Variants in MAST2 observed in about 807,000 individuals in gnomAD.
MAST2 encodes microtubule associated serine/threonine kinase 2.
A neutral mutation model predicts 147.4 loss-of-function variants in MAST2; 70 were observed. The observed-to-expected ratio is 0.47, with a 90% confidence interval of 0.39 to 0.58. MAST2 has a LOEUF of 0.58. MAST2 is among the 20% of genes least tolerant of loss of function. The probability of loss-of-function intolerance (pLI) is 0.00; values close to 1 mark genes in which losing one functional copy is unlikely to be tolerated. For synonymous variants in MAST2, 869 were observed against 896.8 expected (o/e 0.97, Z 0.55); for missense variants, 2,080 against 2,302.3 (o/e 0.90, Z 1.98).
intron 4 of MAST2, among the ~76,000 whole-genome samples, chr1:45,957,894 G>A (rs375161031): frequency 6.6e-6 from 1 of 152,180 alleles, no homozygotes; most frequent in African/African-American, 2.4e-5. Context: ...AAGCTTGGTT[G>A]TAAAGGGTTG....
chr1:45,931,092 T>A (rs568350309), intron 4 of MAST2, among the ~76,000 whole-genome samples: 2 of 152,328 alleles, frequency 1.3e-5, no homozygotes, highest in South Asian at 4.1e-4. Flanking sequence ...TCTACAAGTT[T>A]AATTCATATT....
chr1:45,917,646 TCA>T (rs1652778755), intron 4 of MAST2: 1 of 743,016 alleles, frequency 1.3e-6, no homozygotes, highest in African/African-American at 1.8e-5. Context: ...CTTGGTTCTG[TCA>T]CAGAGAAGAG....
chr1:46,030,190 C>T lies in MAST2; in HGVS notation c.2505C>T (p.Gly835=). The T allele has an allele frequency of 1.2e-6, 2 of 1,614,216 alleles. No homozygotes were observed. The highest frequency in any genetic ancestry group is 2.2e-5 in the South Asian group (2 of 91,078). ...SEDEEEVSED[G]CLEIRQFSSC... The stretch of plus-strand genomic sequence containing the variant: ...ATGAGGAAGAAGTGAGTGAGGATGG[C>T]TGCCTTGAGATCCGCCAGTTCTCTT... Residue 835 remains glycine (G), a synonymous_variant, in exon 21 of 29, where the codon GGC becomes GGT. Coordinates refer to ENST00000361297, the MANE Select transcript of MAST2 (RefSeq NM_015112.3).
chr1:45,918,821 G>A (rs1305532425), intron 4 of MAST2, among the ~76,000 whole-genome samples: 1 of 152,124 alleles, frequency 6.6e-6, no homozygotes, highest in Non-Finnish European at 1.5e-5. Flanking sequence ...TAGATCAAAA[G>A]ATCACGCTGG....
intron 4 of MAST2, among the ~76,000 whole-genome samples, chr1:45,920,192 G>A (rs1163424089): frequency 6.6e-6 from 1 of 152,200 alleles, no homozygotes; most frequent in Non-Finnish European, 1.5e-5. Flanking sequence ...ACCTGCTCAT[G>A]TTCTTGGATA....
At chr1:45,876,745 G>A (rs770660807) in intron 3 of MAST2, among the ~76,000 whole-genome samples, 5 of 152,166 alleles carry the variant, frequency 3.3e-5, no homozygotes, top group African/African-American at 9.7e-5. Context: ...GTCACAGAAT[G>A]TACTGATCTG....
At chr1:45,823,564 G>T (rs1358252594) in intron 1 of MAST2, among the ~76,000 whole-genome samples, 1 of 151,988 alleles carries the variant, frequency 6.6e-6, no homozygotes, top group Non-Finnish European at 1.5e-5. Context: ...TTGAACTCCC[G>T]ACCTCATGAT....
rs552987688 is a variant in MAST2 at position 46,031,484 on chromosome 1, G to A, written c.3086G>A (p.Arg1029Gln). Residue 1029 changes from arginine to glutamine, a missense_variant, in exon 24 of 29, where the codon CGG (arginine) becomes CAG (glutamine). Around this residue, in one of 4 missense-constraint regions of MAST2, gnomAD observed 1,278 missense variants for 1,304.2 expected, o/e 0.98. Transcript: ENST00000361297. The surrounding 1 kb of genome is among the most constrained non-coding windows in gnomAD (Gnocchi z 4.1). ...SDLAVRRARH[R>Q]LLSGDSTEKR... ...CTGGCTGTGCGTAGGGCCCGCCACC[G>A]GCTGCTCTCTGGGGACTCAACAGAG... 5.9e-5 allele frequency: 96 copies of A among 1,614,148 alleles called. 1 individual carries two copies. In the East Asian group the frequency reaches 1.6e-3, roughly 27 times the overall value.
At chr1:45,909,698 A>G (rs1651361426) in intron 4 of MAST2, among the ~76,000 whole-genome samples, 1 of 152,036 alleles carries the variant, frequency 6.6e-6, no homozygotes, top group Non-Finnish European at 1.5e-5. Context: ...TTGTATTTTT[A>G]GTAGAGACGG....
intron 1 of MAST2, among the ~76,000 whole-genome samples, chr1:45,808,126 A>G (rs139614156): frequency 1.4e-4 from 21 of 152,318 alleles, no homozygotes; most frequent in African/African-American, 4.8e-4. Context: ...CCAGAAGGTC[A>G]GTGGTTTACT....
In MAST2 at chr1:45,829,534, A is replaced by G; in HGVS notation, c.421A>G (p.Arg141Gly). The change falls in exon 3 of 29, where the codon AGA becomes GGA. Residue 141 changes from arginine to glycine, a missense_variant. By Grantham distance (125) the Arg-to-Gly change is moderately radical. Transcript: ENST00000361297. The stretch of plus-strand genomic sequence containing the variant: ...AGAAGCATCAAACCTGGTTCGAATG[A>G]GAAACCAGTCCCTTGGACAGTCTGC... ...SGEASNLVRMRNQSLGQSAPS... is the reference protein window; with the variant it reads ...SGEASNLVRMGNQSLGQSAPS... 1.2e-6 allele frequency: 2 copies of G among 1,614,250 alleles called. No homozygotes were observed. The highest frequency in any genetic ancestry group is 1.7e-6 in the Non-Finnish European group (2 of 1,180,042).
intron 10 of MAST2, among the ~76,000 whole-genome samples, chr1:46,013,962 AG>A (rs1645822853): frequency 6.6e-6 from 1 of 152,174 alleles, no homozygotes; most frequent in Admixed American, 6.5e-5. Flanking sequence ...AAAGAAGAAA[AG>A]TCCTCATTTA....
At chr1:45,854,336 CAAA>C (rs61252218) in intron 3 of MAST2, among the ~76,000 whole-genome samples, 47 of 128,708 alleles carry the variant, frequency 3.7e-4, no homozygotes, top group African/African-American at 9.1e-4. Context: ...CCCTCTGTCT[CAAA>C]AAAAAAAAAA....
At chr1:45,877,333 T>A (rs1362303957) in intron 3 of MAST2, among the ~76,000 whole-genome samples, 2 of 152,086 alleles carry the variant, frequency 1.3e-5, no homozygotes, top group East Asian at 3.9e-4. Flanking sequence ...CTTAAGGGAT[T>A]CTCCTGCCTC....
chr1:45,914,928 A>G (rs1652237464), intron 4 of MAST2, among the ~76,000 whole-genome samples: 1 of 152,172 alleles, frequency 6.6e-6, no homozygotes, highest in African/African-American at 2.4e-5. Flanking sequence ...GAAAACTTAA[A>G]TGGTCAAAAA....
chr1:45,932,628 G>A (rs886920666), intron 4 of MAST2, among the ~76,000 whole-genome samples: 6 of 152,122 alleles, frequency 3.9e-5, no homozygotes, highest in Non-Finnish European at 8.8e-5. Flanking sequence ...AGCCAAGATC[G>A]CACCACTGCA....
rs201638963 is a variant in MAST2, at chr1:46,030,160, G to A, written c.2475G>A (p.Ser825=). ...TRSERYHHMD[S]EDEEEVSEDG... is the part of the protein sequence containing the mutation. ...CAGAGCGATACCACCACATGGACTC[G>A]GAGGATGAGGAAGAAGTGAGTGAGG... is the stretch of plus-strand genomic sequence containing the variant. Residue 825 remains serine (S), a synonymous_variant, in exon 21 of 29, where the codon TCG becomes TCA. Coordinates refer to ENST00000361297, the MANE Select transcript of MAST2 (RefSeq NM_015112.3). The A allele has an allele frequency of 2.3e-4, 370 of 1,614,254 alleles. No homozygotes were observed. The highest frequency in any genetic ancestry group is 1.2e-3 in the Admixed American group (70 of 60,030).
intron 3 of MAST2, among the ~76,000 whole-genome samples, chr1:45,844,465 G>A (rs1645370292): frequency 6.6e-6 from 1 of 152,028 alleles, no homozygotes; most frequent in African/African-American, 2.4e-5. Flanking sequence ...TGTATTTTTA[G>A]TAGAGATGGT....
In MAST2 at chr1:45,993,495, C is replaced by A. The variant is rs147782733; in HGVS notation, c.593-4229C>A. Among the ~76,000 whole-genome samples the A allele has an allele frequency of 1.7e-3, 257 of 152,074 alleles. 9 individuals are homozygous for A. In the East Asian group the frequency reaches 0.043, roughly 25 times the overall value. The stretch of plus-strand genomic sequence containing the variant: ...GGTCAGGAGTTCGAGACCAGCCTGG[C>A]CAACATGGTAAAATACCGTCTCCAT... On this transcript the variant is annotated intron_variant, in intron 5 of 28. Transcript: ENST00000361297.
Sources: allele counts gnomAD v4.1 joint callset (sites outside exome capture counted in the v4.1 genomes callset), GRCh38; gene constraint gnomAD v4.1.1; regional missense constraint gnomAD v4.1.1; non-coding constraint Gnocchi (gnomAD v3.1); transcripts MANE v1.5; gene names NCBI Gene and HGNC (gene_info 2026-07-23, HGNC 2026-07-21).